Variants in ATG7 observed in about 807,000 individuals in gnomAD.
ATG7 encodes the protein ubiquitin-like modifier-activating enzyme ATG7.
Under a neutral mutation model 82.4 loss-of-function variants are expected in ATG7, and 70 were observed. The ratio of observed to expected loss-of-function variants is 0.85; its 90% CI spans 0.70 to 1.04. The LOEUF is 1.04. Ranked by LOEUF, ATG7 falls within the 50% of genes least tolerant of loss-of-function variation. The pLI, the probability that ATG7 is intolerant of heterozygous loss-of-function variation, is 0.00. For missense variants in ATG7, 792 were observed against 864.3 expected, an observed-to-expected ratio of 0.92 and a Z score of 1.05; for synonymous variants, 287 against 313.0, an observed-to-expected ratio of 0.92 and a Z score of 0.88.
the ATG7 span, among the ~76,000 whole-genome samples, chr3:11,566,192 A>G: frequency 1.3e-5 from 2 of 152,116 alleles, no homozygotes; most frequent in Non-Finnish European, 2.9e-5. Flanking sequence ...ATGCACACAG[A>G]ATGTTACACA....
In ATG7 at chr3:11,554,825, C is replaced by T. The variant is rs1226260031; in HGVS notation, c.2094C>T (p.Ser698=). 12 of 1,613,392 alleles carry T rather than the reference C, an allele frequency of 7.4e-6. No individual in the cohort carries two copies. The highest frequency in any genetic ancestry group is 6.8e-6 in the Non-Finnish European group (8 of 1,179,754). ...TCTCCATGCAGATCTGGGACATGAG[C>T]GATGATGAGACCATCTGAGATGGCC... ...ETQAAEIWDM[S]DDETI is the part of the protein sequence containing the mutation. The change falls in exon 21 of 21, where the codon AGC becomes AGT. Residue 698 remains serine (S), a synonymous_variant. Coordinates refer to ENST00000693202, the MANE Select transcript of ATG7 (RefSeq NM_001349232.2).
At chr3:11,402,358 A>G (rs2079914765) in intron 19 of ATG7, among the ~76,000 whole-genome samples, 1 of 152,208 alleles carries the variant, frequency 6.6e-6, no homozygotes, top group Admixed American at 6.5e-5. Context: ...GCTTGAATCC[A>G]GGAGGCAGAG....
intron 13 of ATG7, among the ~76,000 whole-genome samples, chr3:11,347,564 CAT>C (rs900657549): frequency 1.3e-5 from 2 of 152,182 alleles, no homozygotes; most frequent in African/African-American, 2.4e-5. Flanking sequence ...AAAACAACAA[CAT>C]AGACAATTCT....
At chr3:11,438,591 T>C (rs1396037979) in intron 20 of ATG7, among the ~76,000 whole-genome samples, 1 of 4,898 alleles carries the variant, frequency 2.0e-4, no homozygotes, top group Non-Finnish European at 4.1e-4. Flanking sequence ...AAAATAAAGA[T>C]TTTTTTTCTT....
intron 14 of ATG7, among the ~76,000 whole-genome samples, chr3:11,351,090 A>G (rs1305334809): frequency 3.3e-5 from 5 of 152,094 alleles, no homozygotes; most frequent in East Asian, 1.9e-4. Context: ...CAGTGACCCA[A>G]TACAATTCCC....
At chr3:11,350,640 A>G (rs2075463770) in intron 14 of ATG7, among the ~76,000 whole-genome samples, 2 of 152,160 alleles carry the variant, frequency 1.3e-5, no homozygotes, top group Admixed American at 6.5e-5. Context: ...AATGTCTTCC[A>G]TTTCTGTTAC....
At chr3:11,524,955 TC>T (rs982099658) in intron 20 of ATG7, among the ~76,000 whole-genome samples, 2 of 152,206 alleles carry the variant, frequency 1.3e-5, no homozygotes, top group African/African-American at 2.4e-5. Context: ...CCTCGTATAT[TC>T]TATATTTTCC....
intron 1 of ATG7, among the ~76,000 whole-genome samples, chr3:11,275,535 T>C (rs1471435500): frequency 6.7e-6 from 1 of 149,166 alleles, no homozygotes; most frequent in Non-Finnish European, 1.5e-5. Context: ...TTTTTTTTTT[T>C]TTTTAGTAGA....
chr3:11,472,740 A>G (rs572585883), intron 20 of ATG7, among the ~76,000 whole-genome samples: 2 of 152,208 alleles, frequency 1.3e-5, no homozygotes, highest in African/African-American at 4.8e-5. Context: ...GACTTTTGAA[A>G]ATGGTTCAAC....
At chr3:11,325,376 A>C (rs776234261) in intron 9 of ATG7, among the ~76,000 whole-genome samples, 1 of 152,184 alleles carries the variant, frequency 6.6e-6, no homozygotes, top group Non-Finnish European at 1.5e-5. Flanking sequence ...AGTGCAGTTA[A>C]GAATTATCCT....
chr3:11,351,202 CAT>C (rs2075519317), intron 14 of ATG7, among the ~76,000 whole-genome samples: 2 of 152,128 alleles, frequency 1.3e-5, no homozygotes, highest in African/African-American at 2.4e-5. Context: ...ACTAGACAGA[CAT>C]GTGGAGCTTA....
At chr3:11,339,165 G>T (rs990055484) in intron 11 of ATG7, among the ~76,000 whole-genome samples, 1 of 151,674 alleles carries the variant, frequency 6.6e-6, no homozygotes, top group African/African-American at 2.4e-5. Context: ...GCATGCTGGC[G>T]GGCGCGTGTA....
chr3:11,366,372 C>A (rs1217921987), intron 18 of ATG7, among the ~76,000 whole-genome samples: 1 of 152,102 alleles, frequency 6.6e-6, no homozygotes. Context: ...AATGTGCCCC[C>A]CTCTGTCCCC....
At chr3:11,471,741 A>ATTTTTTTTTTTT (rs148815680) in intron 20 of ATG7, among the ~76,000 whole-genome samples, 1 of 30,404 alleles carries the variant, frequency 3.3e-5, no homozygotes, top group African/African-American at 1.7e-4. Context: ...GGCTTTTTAG[A>ATTTTTTTTTTTT]TTTCTTTTTT....
intron 20 of ATG7, among the ~76,000 whole-genome samples, chr3:11,450,361 A>T (rs2084991081): frequency 6.6e-6 from 1 of 152,136 alleles, no homozygotes. Context: ...GTGTTTGACC[A>T]TGGTTTTCAT....
chr3:11,465,227 C>T (rs182098790), intron 20 of ATG7, among the ~76,000 whole-genome samples: 7 of 151,558 alleles, frequency 4.6e-5, no homozygotes, highest in African/African-American at 1.5e-4. Context: ...GAGGCCGAGG[C>T]GTGTGGATCC....
intron 11 of ATG7, 151 bp downstream of exon 11, chr3:11,333,244 C>A (rs1453154215): frequency 9.4e-7 from 1 of 1,062,754 alleles, no homozygotes; most frequent in Non-Finnish European, 1.2e-6. Context: ...CTACTTCGAA[C>A]AGAGGGCATG....
intron 19 of ATG7, among the ~76,000 whole-genome samples, chr3:11,408,272 G>T (rs1352426230): frequency 6.6e-6 from 1 of 152,144 alleles, no homozygotes; most frequent in African/African-American, 2.4e-5. Flanking sequence ...TTCCCAACAA[G>T]TTCCTCATCT....
chr3:11,531,867 GAAAAAAAA>G (rs10706428), intron 20 of ATG7, among the ~76,000 whole-genome samples: 3 of 95,148 alleles, frequency 3.2e-5, no homozygotes, highest in Non-Finnish European at 4.2e-5. Context: ...CCTGTCTCAG[GAAAAAAAA>G]AAAAAAAAAA....
Sources: gnomAD v4.1 joint callset for allele counts (sites outside exome capture counted in the v4.1 genomes callset) on GRCh38, gnomAD v4.1.1 for gene constraint, MANE v1.5 for transcripts, NCBI Gene and HGNC (gene_info 2026-07-23, HGNC 2026-07-21) for gene names.